The following SCHIP1 variants were observed in gnomAD, a reference collection of about 807,000 sequenced individuals.
SCHIP1 encodes schwannomin interacting protein 1.
Under a neutral mutation model 29.7 loss-of-function variants are expected in SCHIP1, and 8 were observed. The observed-to-expected ratio is 0.27, with a 90% CI of 0.16 to 0.49. The LOEUF (loss-of-function observed/expected upper bound fraction) is 0.49, where lower values mean the gene tolerates loss of function less well. Among genes scored for constraint, SCHIP1 ranks in the 20% least tolerant of loss-of-function variants. SCHIP1 has a pLI of 0.99. For synonymous variants in SCHIP1, 76 were observed against 94.9 expected, an observed-to-expected ratio of 0.80 and a Z score of 1.16; for missense variants, 193 against 294.6, an observed-to-expected ratio of 0.66 and a Z score of 2.52.
chr3:159,605,779 T>C, the SCHIP1 span, among the ~76,000 whole-genome samples: 14 of 152,188 alleles, frequency 9.2e-5, no homozygotes, highest in Admixed American at 7.2e-4. Context: ...TTGTCAACTC[T>C]GATCATATAA....
the SCHIP1 span, among the ~76,000 whole-genome samples, chr3:159,681,025 G>A: frequency 3.3e-5 from 5 of 151,840 alleles, no homozygotes; most frequent in African/African-American, 9.7e-5. Context: ...CTGAAAGAAG[G>A]CAGCAGAATA....
chr3:159,310,963 T>C, the SCHIP1 span, among the ~76,000 whole-genome samples: 2 of 152,142 alleles, frequency 1.3e-5, no homozygotes, highest in African/African-American at 4.8e-5. Context: ...TGTGGAGATA[T>C]AGCAAAGGTG....
rs62270403 is a variant in SCHIP1 at position 159,859,540 on chromosome 3, C to T, written c.31-6623C>T. On this transcript the variant is annotated intron_variant, in intron 1 of 6. Coordinates refer to ENST00000445224, the Ensembl canonical transcript of SCHIP1. Reference sequence around the variant, plus strand: ...TCAGAATCCCAGTTACGTTCCCTGGCGGATGCTGCTAATGGTGATGATGCC... The same window carrying T: ...TCAGAATCCCAGTTACGTTCCCTGGTGGATGCTGCTAATGGTGATGATGCC... Among the ~76,000 whole-genome samples, 533 of 152,294 alleles carry T rather than the reference C, an allele frequency of 3.5e-3. 2 individuals carry two copies. Among genetic ancestry groups the T allele is most frequent in the Middle Eastern group, 6.8e-3 (2 of 294 alleles).
At chr3:159,491,549 G>C in the SCHIP1 span, among the ~76,000 whole-genome samples, 33 of 152,306 alleles carry the variant, frequency 2.2e-4, 1 homozygote, top group African/African-American at 7.7e-4. Context: ...TGACAGCGAG[G>C]CTGGGGGAGG....
chr3:159,302,280 T>C, the SCHIP1 span, among the ~76,000 whole-genome samples: 2 of 152,290 alleles, frequency 1.3e-5, no homozygotes, highest in Admixed American at 6.5e-5. Context: ...TCCTGAGCAA[T>C]TAGCAAAGTA....
chr3:159,347,864 T>G, the SCHIP1 span, among the ~76,000 whole-genome samples: 1 of 152,094 alleles, frequency 6.6e-6, no homozygotes, highest in Non-Finnish European at 1.5e-5. Flanking sequence ...CAATCATGCC[T>G]TTCAAAAAAA....
intron 2 of SCHIP1, 68 bp from the exon 4 acceptor site, chr3:159,886,139 A>G (rs758559082): frequency 8.4e-6 from 13 of 1,553,702 alleles, no homozygotes; most frequent in Non-Finnish European, 1.2e-5. Context: ...AAAATCAGAC[A>G]GTTCTATTGG....
the SCHIP1 span, among the ~76,000 whole-genome samples, chr3:159,614,073 G>A: frequency 2.6e-5 from 4 of 152,134 alleles, no homozygotes; most frequent in Admixed American, 2.6e-4. Context: ...GAGGAATCTA[G>A]GGTTCAGAGA....
chr3:159,506,035 G>A, the SCHIP1 span, among the ~76,000 whole-genome samples: 5 of 152,164 alleles, frequency 3.3e-5, no homozygotes, highest in East Asian at 1.9e-4. Context: ...GATCCCTGAG[G>A]AATCGCCACA....
the SCHIP1 span, among the ~76,000 whole-genome samples, chr3:159,791,666 C>T: frequency 6.6e-6 from 1 of 152,228 alleles, no homozygotes; most frequent in Non-Finnish European, 1.5e-5. Flanking sequence ...TGGGAAACAT[C>T]CTTCACACAG....
the SCHIP1 span, among the ~76,000 whole-genome samples, chr3:159,527,709 C>A: frequency 3.3e-5 from 5 of 152,134 alleles, no homozygotes; most frequent in African/African-American, 1.2e-4. Flanking sequence ...ATCTGAAAAT[C>A]TATTATGCTA....
the SCHIP1 span, among the ~76,000 whole-genome samples, chr3:159,478,608 G>GA: frequency 0.033 from 4,995 of 151,998 alleles, 275 homozygotes; most frequent in African/African-American, 0.12. Context: ...TCTATTCTGT[G>GA]AAAAAAATGG....
chr3:159,767,971 TTGAATGAA>T, the SCHIP1 span, among the ~76,000 whole-genome samples: 1 of 152,088 alleles, frequency 6.6e-6, no homozygotes, highest in African/African-American at 2.4e-5. Flanking sequence ...TTCTCAAATA[TTGAATGAA>T]TGAATGAATG....
the SCHIP1 span, among the ~76,000 whole-genome samples, chr3:159,508,466 C>T: frequency 6.6e-6 from 1 of 152,050 alleles, no homozygotes; most frequent in African/African-American, 2.4e-5. Context: ...TCTCTATTTC[C>T]TTCAGTTCTG....
the SCHIP1 span, among the ~76,000 whole-genome samples, chr3:159,519,903 G>A: frequency 2.0e-5 from 3 of 151,262 alleles, no homozygotes; most frequent in South Asian, 2.1e-4. Flanking sequence ...ATGCATGTAC[G>A]TGGAACTGAA....
the SCHIP1 span, among the ~76,000 whole-genome samples, chr3:159,318,299 C>T: frequency 1.3e-5 from 2 of 152,210 alleles, no homozygotes; most frequent in Non-Finnish European, 2.9e-5. Context: ...CCACATACCT[C>T]TTCCCCAAAT....
the SCHIP1 span, among the ~76,000 whole-genome samples, chr3:159,671,512 G>A: frequency 6.6e-6 from 1 of 152,100 alleles, no homozygotes; most frequent in African/African-American, 2.4e-5. Context: ...AAACCCAAGA[G>A]TGCACTCAAT....
chr3:159,610,698 G>A, the SCHIP1 span, among the ~76,000 whole-genome samples: 51 of 151,988 alleles, frequency 3.4e-4, no homozygotes, highest in African/African-American at 9.7e-4. Context: ...GCGTGAAATC[G>A]TCTTTTGCTT....
At chr3:159,509,178 A>G in the SCHIP1 span, among the ~76,000 whole-genome samples, 1,042 of 152,306 alleles carry the variant, frequency 6.8e-3, 12 homozygotes, top group African/African-American at 0.024. Flanking sequence ...TATATTTAGG[A>G]TAGTTAGCTC....
Sources: gnomAD v4.1 joint callset for allele counts (sites outside exome capture counted in the v4.1 genomes callset) on GRCh38, gnomAD v4.1.1 for gene constraint, MANE v1.5 for transcripts, NCBI Gene and HGNC (gene_info 2026-07-23, HGNC 2026-07-21) for gene names.